Variants in NAV3 observed in about 807,000 individuals in gnomAD.
NAV3 encodes the protein pore membrane and/or filament interacting like protein 1.
A neutral mutation model predicts 244.7 loss-of-function variants in NAV3; 87 were observed. That is an observed-to-expected ratio of 0.36 (90% confidence interval 0.30 to 0.42). The LOEUF (loss-of-function observed/expected upper bound fraction) is 0.42. Ranked by LOEUF, NAV3 falls within the 20% of genes least tolerant of loss-of-function variation. The pLI is 1.00. For synonymous variants in NAV3, 1,126 were observed against 1,042.2 expected, an observed-to-expected ratio of 1.08 and a Z score of -1.55; for missense variants, 2,663 against 2,893.3, an observed-to-expected ratio of 0.92 and a Z score of 1.83.
In NAV3 at chr12:77,831,358, A is replaced by T. The variant is rs1873662330; in HGVS notation, c.-104A>T. The T allele has an allele frequency of 8.4e-7, 1 of 1,185,714 alleles. No homozygotes were observed. The highest frequency in any genetic ancestry group is 1.1e-6 in the Non-Finnish European group (1 of 875,786). 73.4% of individuals were successfully genotyped at this position (1,185,714 alleles called of 1,614,324 possible). On this transcript the variant is annotated 5_prime_UTR_variant, in exon 1 of 40. Coordinates refer to ENST00000397909, the MANE Select transcript of NAV3 (RefSeq NM_001024383.2). The stretch of plus-strand genomic sequence containing the variant: ...CTTTTTAAAAATCAGGATGACTGCT[A>T]GTTTTGTTTAAAGTATTTGTTCTGG...
chr12:77,848,815 C>T (rs1295899902), intron 1 of NAV3, among the ~76,000 whole-genome samples: 2 of 152,072 alleles, frequency 1.3e-5, no homozygotes, highest in Non-Finnish European at 2.9e-5. Context: ...TTCATGATTG[C>T]TCTTTATTTT....
chr12:77,961,331 TATA>T (rs200836664), intron 3 of NAV3, among the ~76,000 whole-genome samples: 86 of 86,106 alleles, frequency 1.0e-3, no homozygotes, highest in South Asian at 2.1e-3. Flanking sequence ...ATATATGTAA[TATA>T]ATAAATATTA....
intron 2 of NAV3, among the ~76,000 whole-genome samples, chr12:77,823,224 T>G (rs2136037736): frequency 6.6e-6 from 1 of 152,096 alleles, no homozygotes; most frequent in African/African-American, 2.4e-5. Flanking sequence ...AGGGCTAAAA[T>G]TTTGGAGCCA....
At chr12:77,722,028 T>G (rs752596973) in intron 2 of NAV3, among the ~76,000 whole-genome samples, 6 of 152,124 alleles carry the variant, frequency 3.9e-5, no homozygotes, top group Non-Finnish European at 8.8e-5. Context: ...TCATAAACTG[T>G]GTGCTCCATG....
At chr12:77,703,447 C>G (rs1362366269) in intron 2 of NAV3, among the ~76,000 whole-genome samples, 1 of 152,024 alleles carries the variant, frequency 6.6e-6, no homozygotes, top group Non-Finnish European at 1.5e-5. Flanking sequence ...TCAAGTTGTT[C>G]CTGGCTTTTG....
At chr12:78,126,594 T>TGATTTCTAAA (rs1565690143) in intron 16 of NAV3, among the ~76,000 whole-genome samples, 2 of 152,214 alleles carry the variant, frequency 1.3e-5, no homozygotes, top group Non-Finnish European at 2.9e-5. Flanking sequence ...AAAGATGGTA[T>TGATTTCTAAA]AGCTTAATTT....
chr12:78,141,124 C>T (rs1956593245), intron 20 of NAV3, among the ~76,000 whole-genome samples: 1 of 152,064 alleles, frequency 6.6e-6, no homozygotes, highest in African/African-American at 2.4e-5. Flanking sequence ...CCCATGGCTT[C>T]AAGCAATTCC....
chr12:77,869,139 AAG>A (rs1880558098), intron 1 of NAV3, among the ~76,000 whole-genome samples: 1 of 152,144 alleles, frequency 6.6e-6, no homozygotes, highest in Non-Finnish European at 1.5e-5. Context: ...GTCAAATGGA[AAG>A]AAAGCTGGGC....
chr12:77,724,692 T>C (rs1274776587), intron 2 of NAV3, among the ~76,000 whole-genome samples: 3 of 151,740 alleles, frequency 2.0e-5, no homozygotes, highest in Non-Finnish European at 4.4e-5. Flanking sequence ...GGTATCAATA[T>C]CCTATCTATG....
intron 2 of NAV3, among the ~76,000 whole-genome samples, chr12:77,742,964 A>C (rs1868366845): frequency 6.6e-6 from 1 of 152,052 alleles, no homozygotes; most frequent in South Asian, 2.1e-4. Context: ...CATGGGATCC[A>C]AAGTGCCACT....
chr12:78,037,200 G>A, intron 9 of NAV3: 1 of 702,980 alleles, frequency 1.4e-6, no homozygotes. Context: ...AGGCTTGGAA[G>A]GTGAGAGTGA....
chr12:78,009,901 C>T (rs926385281), intron 8 of NAV3, among the ~76,000 whole-genome samples: 28 of 151,954 alleles, frequency 1.8e-4, no homozygotes, highest in African/African-American at 6.0e-4. Flanking sequence ...TTATTATCAA[C>T]AATATAAGAT....
At chr12:77,581,010 A>G (rs998057094) in intron 2 of NAV3, among the ~76,000 whole-genome samples, 2 of 152,154 alleles carry the variant, frequency 1.3e-5, no homozygotes, top group Non-Finnish European at 2.9e-5. Flanking sequence ...CTCCCTAACA[A>G]TGTAACTTGG....
At chr12:77,699,481 G>T (rs543971434) in intron 2 of NAV3, among the ~76,000 whole-genome samples, 8 of 152,206 alleles carry the variant, frequency 5.3e-5, no homozygotes, top group African/African-American at 1.4e-4. Context: ...ACACAGCATG[G>T]TAGGGATGTC....
chr12:77,872,475 A>T (rs1164105753), intron 1 of NAV3, among the ~76,000 whole-genome samples: 1 of 152,176 alleles, frequency 6.6e-6, no homozygotes, highest in Non-Finnish European at 1.5e-5. Context: ...ACTAAAAGTG[A>T]ACCTTGAAGG....
At chr12:78,010,299 A>G (rs1875040984) in intron 8 of NAV3, among the ~76,000 whole-genome samples, 1 of 152,172 alleles carries the variant, frequency 6.6e-6, no homozygotes, top group Admixed American at 6.5e-5. Flanking sequence ...TCCCCATGTA[A>G]GAATCCCTCC....
intron 2 of NAV3, among the ~76,000 whole-genome samples, chr12:77,607,258 G>A (rs568441142): frequency 6.6e-6 from 1 of 152,086 alleles, no homozygotes; most frequent in Non-Finnish European, 1.5e-5. Context: ...GTTATAATGG[G>A]CAGTTTTATC....
intron 1 of NAV3, among the ~76,000 whole-genome samples, chr12:77,870,194 G>A (rs928030241): frequency 6.6e-6 from 1 of 151,858 alleles, no homozygotes; most frequent in South Asian, 2.1e-4. Flanking sequence ...GTGAAACCCC[G>A]TCTCAACTAA....
intron 2 of NAV3, among the ~76,000 whole-genome samples, chr12:77,718,290 C>T (rs756605567): frequency 6.6e-5 from 10 of 151,942 alleles, no homozygotes; most frequent in East Asian, 5.8e-4. Flanking sequence ...TTTTTGCATG[C>T]GGATTTTCCA....
Sources: allele counts gnomAD v4.1 joint callset (sites outside exome capture counted in the v4.1 genomes callset), GRCh38; gene constraint gnomAD v4.1.1; transcripts MANE v1.5; gene names NCBI Gene and HGNC (gene_info 2026-07-23, HGNC 2026-07-21).